The following SEMA6A variants were observed in gnomAD, a reference collection of about 807,000 sequenced individuals.
SEMA6A encodes the protein semaphorin 6A, also known as semaphorin-6A.
SEMA6A carries 25 observed loss-of-function variants against 96.8 expected under a neutral mutation model. The ratio of observed to expected loss-of-function variants is 0.26; its 90% CI spans 0.19 to 0.36. SEMA6A has a LOEUF of 0.36. Ranked by LOEUF, SEMA6A falls within the 10% of genes least tolerant of loss-of-function variation. The pLI is 1.00. For synonymous variants in SEMA6A, 612 were observed against 518.0 expected (o/e 1.18, Z -2.46); for missense variants, 1,363 against 1,323.1 (o/e 1.03, Z -0.47).
intron 4 of SEMA6A, 136 bp from the exon 5 acceptor site, chr5:116,496,449 A>T: frequency 1.6e-6 from 1 of 618,278 alleles, no homozygotes. Context: ...CTCCATGATT[A>T]ATTCACCGTA....
At chr5:116,551,161 A>G (rs796510929) in intron 1 of SEMA6A, among the ~76,000 whole-genome samples, 9 of 152,284 alleles carry the variant, frequency 5.9e-5, no homozygotes, top group African/African-American at 2.2e-4. Context: ...CAAATAGAAC[A>G]TGGGTGAAAT....
intron 1 of SEMA6A, among the ~76,000 whole-genome samples, chr5:116,551,948 T>C (rs1760432752): frequency 6.6e-6 from 1 of 152,232 alleles, no homozygotes; most frequent in East Asian, 1.9e-4. Context: ...GCCAGATGTT[T>C]GTCACAAGGA....
rs960353971 is a variant in SEMA6A at position 116,508,043 on chromosome 5, A to G, written c.-38-3061T>C. On this transcript the variant is annotated intron_variant, in intron 1 of 18. Coordinates refer to ENST00000343348, the MANE Select transcript of SEMA6A (RefSeq NM_020796.5). ...TTTTTTCACAATAATTTTTCCCTACAGTTTTTAAGCCCAAATTGGATCACA... is the reference window on the plus strand; with the variant it reads ...TTTTTTCACAATAATTTTTCCCTACGGTTTTTAAGCCCAAATTGGATCACA... The G allele has an allele frequency of 4.6e-5, 7 of 152,058 alleles. No homozygotes were observed. In the East Asian group the frequency reaches 1.2e-3, roughly 25 times the overall value. 9.4% of individuals were successfully genotyped at this position (152,058 alleles called of 1,614,324 possible). A position where few individuals can be genotyped will look rare whatever the true frequency, so the allele number is the denominator to read the frequency against.
chr5:116,500,598 CCT>C (rs1491373444), intron 3 of SEMA6A, among the ~76,000 whole-genome samples: 53 of 152,156 alleles, frequency 3.5e-4, no homozygotes, highest in African/African-American at 1.3e-3. Context: ...TAGTCTAGCC[CCT>C]TTTTTTTTTA....
intron 1 of SEMA6A, among the ~76,000 whole-genome samples, chr5:116,512,421 T>C (rs1458108386): frequency 2.0e-5 from 3 of 152,132 alleles, no homozygotes; most frequent in Non-Finnish European, 2.9e-5. Context: ...GAAAGGGAAA[T>C]GCCACAGACC....
intron 11 of SEMA6A, among the ~76,000 whole-genome samples, chr5:116,482,125 C>T (rs944331076): frequency 1.3e-5 from 2 of 152,154 alleles, no homozygotes; most frequent in African/African-American, 4.8e-5. Context: ...CCCCAACCCC[C>T]GCTATTGAAC....
intron 10 of SEMA6A, among the ~76,000 whole-genome samples, chr5:116,483,639 TTAA>T (rs1164938259): frequency 6.6e-6 from 1 of 151,096 alleles, no homozygotes; most frequent in African/African-American, 2.4e-5. Flanking sequence ...TAATAATTGC[TTAA>T]TAATAATTGC....
At chr5:116,465,255 C>G (rs960832570) in intron 18 of SEMA6A, among the ~76,000 whole-genome samples, 1 of 152,118 alleles carries the variant, frequency 6.6e-6, no homozygotes, top group South Asian at 2.1e-4. Flanking sequence ...CAAGACTTTT[C>G]CAACGGAGTA....
chr5:116,475,511 C>T, intron 16 of SEMA6A, 34 bp downstream of exon 16: 1 of 1,496,438 alleles, frequency 6.7e-7, no homozygotes, highest in East Asian at 2.4e-5. Context: ...GCATCTTTGC[C>T]CAAAGATAAA....
At chr5:116,497,727 T>C (rs1757668709) in intron 3 of SEMA6A, among the ~76,000 whole-genome samples, 1 of 152,220 alleles carries the variant, frequency 6.6e-6, no homozygotes, top group Non-Finnish European at 1.5e-5. Context: ...ACAGATGGAT[T>C]CGTGTGCCCT....
At chr5:116,451,138 G>A (rs531702736) in intron 18 of SEMA6A, among the ~76,000 whole-genome samples, 42 of 152,158 alleles carry the variant, frequency 2.8e-4, no homozygotes, top group Non-Finnish European at 5.4e-4. Flanking sequence ...TTTTTTATCT[G>A]TAGCATGAGG....
intron 1 of SEMA6A, among the ~76,000 whole-genome samples, chr5:116,555,067 G>A (rs1760557393): frequency 6.6e-6 from 1 of 152,136 alleles, no homozygotes; most frequent in Admixed American, 6.5e-5. Context: ...AATCCTCTCT[G>A]CCACCGGGAA....
intron 1 of SEMA6A, among the ~76,000 whole-genome samples, chr5:116,543,680 C>T (rs1760069886): frequency 6.6e-6 from 1 of 152,160 alleles, no homozygotes; most frequent in Admixed American, 6.5e-5. Flanking sequence ...GCTGTTTTAA[C>T]ACAGATTAGG....
rs28495329 is a variant in SEMA6A, at chr5:116,491,795, G to A, written c.480C>T (p.Ser160=). The change falls in exon 7 of 19, where the codon AGC becomes AGT. Residue 160 remains serine, a synonymous_variant. Transcript: ENST00000343348. Reference sequence around the variant, plus strand: ...CATCATATGGGCATCTGGCCATTCCGCTGAATTCATCCCCGAATGGTTCCA... The same window carrying A: ...CATCATATGGGCATCTGGCCATTCCACTGAATTCATCCCCGAATGGTTCCA... ...DTLEPFGDEF[S]GMARCPYDAK... is the part of the protein sequence containing the mutation. 9,667 of 1,613,454 alleles carry A rather than the reference G, an allele frequency of 6.0e-3. 502 individuals carry two copies. The African/African-American group carries it at 0.11, about 19-fold the overall frequency.
intron 6 of SEMA6A, 84 bp from the exon 7 acceptor site, chr5:116,491,914 A>G: frequency 9.0e-7 from 1 of 1,112,106 alleles, no homozygotes; most frequent in Non-Finnish European, 1.4e-6. Context: ...AGGATGTGAC[A>G]GGCCTTTTGT....
intron 1 of SEMA6A, among the ~76,000 whole-genome samples, chr5:116,573,498 C>T (rs1304814898): frequency 6.6e-6 from 1 of 152,126 alleles, no homozygotes; most frequent in African/African-American, 2.4e-5. Flanking sequence ...CGGCTGCTCC[C>T]GGACACTTAT....
intron 5 of SEMA6A, 94 bp downstream of exon 5, chr5:116,496,157 G>C: frequency 9.3e-7 from 1 of 1,072,656 alleles, no homozygotes; most frequent in Non-Finnish European, 1.4e-6. Flanking sequence ...AAAGGAAAAA[G>C]CACAATCCAT....
chr5:116,476,432 GATCTAATA>G (rs1194715260), intron 15 of SEMA6A, among the ~76,000 whole-genome samples: 17 of 152,104 alleles, frequency 1.1e-4, no homozygotes, highest in African/African-American at 4.1e-4. Flanking sequence ...GTCACAGCTT[GATCTAATA>G]ATCCACCGTG....
At chr5:116,508,018 T>C (rs1390960398) in intron 1 of SEMA6A, 2 of 152,112 alleles carry the variant, frequency 1.3e-5, no homozygotes, top group African/African-American at 4.8e-5. Context: ...CACCCAAATT[T>C]TTTTTCACAA....
Sources: gnomAD v4.1 joint callset for allele counts (sites outside exome capture counted in the v4.1 genomes callset) on GRCh38, gnomAD v4.1.1 for gene constraint, MANE v1.5 for transcripts, NCBI Gene and HGNC (gene_info 2026-07-23, HGNC 2026-07-21) for gene names.